The following BTG4 variants were observed in gnomAD, a reference collection of about 807,000 sequenced individuals.
BTG4 encodes the protein BTG anti-proliferation factor 4, also known as protein BTG4.
BTG4 carries 10 observed loss-of-function variants against 19.3 expected under a neutral mutation model. That is an observed-to-expected ratio of 0.52 (90% CI 0.32 to 0.88). The LOEUF (loss-of-function observed/expected upper bound fraction) is 0.88. Ranked by LOEUF, BTG4 falls within the 40% of genes least tolerant of loss-of-function variation. The pLI is 0.04. For missense variants in BTG4, 238 were observed against 281.9 expected, an observed-to-expected ratio of 0.84 and a Z score of 1.11; for synonymous variants, 91 against 95.7, an observed-to-expected ratio of 0.95 and a Z score of 0.29.
rs1373541462 is a variant in BTG4, at chr11:111,497,220, A to T, written c.501T>A (p.Ser167Arg). Residue 167 changes from serine to arginine, a missense_variant, in exon 4 of 5, where the codon AGT becomes AGA. Transcript: ENST00000692032. ...CTGGAACACTCTTGACCTGATAAAT[A>T]CTCTTCGGATTGCTGACTTTAGGAA... Reference protein sequence around the residue: ...RVIPKVSNPKSIYQVENLKQP... With the variant: ...RVIPKVSNPKRIYQVENLKQP... The T allele has an allele frequency of 6.2e-7, 1 of 1,612,882 alleles. No homozygotes were observed. The highest frequency in any genetic ancestry group is 2.2e-5 in the East Asian group (1 of 44,812).
chr11:111,422,022 A>G, the BTG4 span, among the ~76,000 whole-genome samples: 140,208 of 152,278 alleles, frequency 0.92, 64,894 homozygotes, highest in East Asian at 1. Context: ...GAGCAAGTCA[A>G]CCTCTCCCTA....
At chr11:111,392,148 C>G in the BTG4 span, among the ~76,000 whole-genome samples, 1,175 of 146,394 alleles carry the variant, frequency 8.0e-3, 22 homozygotes, top group African/African-American at 0.027. Context: ...TAGCCTCCAG[C>G]TTCCCTTTTC....
At chr11:111,393,671 TGAG>T in the BTG4 span, among the ~76,000 whole-genome samples, 42 of 152,220 alleles carry the variant, frequency 2.8e-4, no homozygotes, top group African/African-American at 9.6e-4. Flanking sequence ...AGGTCTAGCA[TGAG>T]GAGGAGAGGG....
At chr11:111,500,445 A>C (rs957010927) in intron 1 of BTG4, among the ~76,000 whole-genome samples, 2 of 152,206 alleles carry the variant, frequency 1.3e-5, no homozygotes, top group African/African-American at 4.8e-5. Context: ...TGTGGAGCCA[A>C]ATCTACCTCT....
downstream of BTG4, chr11:111,464,550 C>T (rs4938648): frequency 0.34 from 52,053 of 152,082 alleles, 10,592 homozygotes; most frequent in South Asian, 0.59. Context: ...CCCCTCTGTT[C>T]GGATACAGAT....
chr11:111,411,788 C>T, the BTG4 span, among the ~76,000 whole-genome samples: 1 of 152,186 alleles, frequency 6.6e-6, no homozygotes, highest in South Asian at 2.1e-4. Flanking sequence ...AAGTAAGCTC[C>T]ATGGTAGCCA....
chr11:111,509,874 CA>C (rs67048761), intron 1 of BTG4, among the ~76,000 whole-genome samples: 143,679 of 147,814 alleles, frequency 0.97, 69,971 homozygotes, highest in Middle Eastern at 1. Flanking sequence ...ATGTTGTCTC[CA>C]ATTGTCTCCA....
rs1865796553 is a variant in BTG4 at position 111,497,271 on chromosome 11, T to A, written c.450A>T (p.Glu150Asp). The change falls in exon 4 of 5, where the codon GAA becomes GAT. Residue 150 changes from glutamate (E) to aspartate (D), a missense_variant. Transcript: ENST00000692032. Reference protein sequence around the residue: ...DVSSGTSCDEESCSKEPRVIP... With the variant: ...DVSSGTSCDEDSCSKEPRVIP... ...TGACACGAGGTTCCTTGCTACAACT[T>A]TCTTCATCGCAGGAAGTGCCAGAGG... The A allele has an allele frequency of 6.2e-7, 1 of 1,612,592 alleles. No homozygotes were observed. Among genetic ancestry groups the A allele is most frequent in the East Asian group, 2.2e-5 (1 of 44,830 alleles).
At chr11:111,449,792 A>G in the BTG4 span, 24 of 152,412 alleles carry the variant, frequency 1.6e-4, 1 homozygote, top group African/African-American at 5.8e-4. Context: ...ACAGTCAAGC[A>G]GAATGTGCAG....
At chr11:111,383,940 T>C in the BTG4 span, among the ~76,000 whole-genome samples, 6 of 152,230 alleles carry the variant, frequency 3.9e-5, no homozygotes, top group South Asian at 1.0e-3. Flanking sequence ...AAGTACAGTA[T>C]ATTCTTAAAT....
At chr11:111,483,274 A>C (rs1417503964) in intron 5 of BTG4, among the ~76,000 whole-genome samples, 2 of 152,304 alleles carry the variant, frequency 1.3e-5, no homozygotes, top group East Asian at 3.9e-4. Context: ...GTACAAATAA[A>C]TCCAGATTAC....
At chr11:111,471,899 C>A (rs1248592072) in intron 5 of BTG4, among the ~76,000 whole-genome samples, 1 of 152,190 alleles carries the variant, frequency 6.6e-6, no homozygotes, top group Non-Finnish European at 1.5e-5. Flanking sequence ...GCCAAAGCAT[C>A]CCTTGAAACT....
chr11:111,387,279 T>C, the BTG4 span, among the ~76,000 whole-genome samples: 1 of 152,200 alleles, frequency 6.6e-6, no homozygotes, highest in Non-Finnish European at 1.5e-5. Flanking sequence ...AAACCACCTC[T>C]CATCTTCTCA....
the BTG4 span, among the ~76,000 whole-genome samples, chr11:111,410,752 T>C: frequency 0.04 from 6,115 of 152,320 alleles, 130 homozygotes; most frequent in Middle Eastern, 0.14. Context: ...TCAACCTGTC[T>C]ACTGATTTTC....
the BTG4 span, among the ~76,000 whole-genome samples, chr11:111,444,186 T>G: frequency 7.7e-6 from 1 of 129,122 alleles, no homozygotes; most frequent in Admixed American, 7.2e-5. Context: ...CTGAGGGGTG[T>G]GTGTGTGTGT....
chr11:111,384,822 A>T, the BTG4 span: 6 of 152,174 alleles, frequency 3.9e-5, no homozygotes, highest in African/African-American at 1.4e-4. Context: ...AAAACAAAAT[A>T]TCTTTAAAAT....
the BTG4 span, among the ~76,000 whole-genome samples, chr11:111,438,626 C>A: frequency 1.3e-5 from 2 of 152,208 alleles, no homozygotes; most frequent in African/African-American, 4.8e-5. Context: ...CCGCCAGCAC[C>A]TAGCTCTGCA....
In BTG4 at chr11:111,500,149, A is replaced by AT. The variant is rs563887171; in HGVS notation, c.-26-1348_-26-1347insA. Among the ~76,000 whole-genome samples the AT allele has an allele frequency of 6.5e-3, 966 of 149,284 alleles. 8 individuals are homozygous for AT. The highest frequency in any genetic ancestry group is 0.022 in the African/African-American group (899 of 40,778). On this transcript the variant is annotated intron_variant, in intron 1 of 4. Transcript: ENST00000692032. ...AGAGCAAGACTCCGTCTCAAAAAAT[A>AT]AAAATAAAAATAAATTTAAAAATTC...
At chr11:111,450,733 G>A in the BTG4 span, 1 of 152,354 alleles carries the variant, frequency 6.6e-6, no homozygotes, top group Non-Finnish European at 1.5e-5. Flanking sequence ...GGGTCAGAGG[G>A]AATCCCTGCT....
Sources: gnomAD v4.1 joint callset for allele counts (sites outside exome capture counted in the v4.1 genomes callset) on GRCh38, gnomAD v4.1.1 for gene constraint, MANE v1.5 for transcripts, NCBI Gene and HGNC (gene_info 2026-07-23, HGNC 2026-07-21) for gene names.